ELOVL6: variants seen among roughly 807,000 people sequenced by gnomAD.
ELOVL6 encodes very long chain fatty acid elongase 6.
A neutral mutation model predicts 31.7 loss-of-function variants in ELOVL6; 8 were observed. The ratio of observed to expected loss-of-function variants is 0.25; its 90% CI spans 0.15 to 0.45. The LOEUF is 0.45. Among genes scored for constraint, ELOVL6 ranks in the 20% least tolerant of loss-of-function variants. ELOVL6 has a pLI of 1.00. For synonymous variants in ELOVL6, 101 were observed against 117.7 expected (o/e 0.86, Z 0.92); for missense variants, 126 against 326.4 (o/e 0.39, Z 4.73).
chr4:110,166,488 C>T (rs971836535), intron 1 of ELOVL6, among the ~76,000 whole-genome samples: 9 of 152,072 alleles, frequency 5.9e-5, no homozygotes, highest in Non-Finnish European at 1.3e-4. Context: ...GGTACGCGCC[C>T]TGTAGTCCCA....
At chr4:110,084,550 ACACACAC>A (rs1560815693) in intron 2 of ELOVL6, among the ~76,000 whole-genome samples, 1 of 74,002 alleles carries the variant, frequency 1.4e-5, no homozygotes, top group African/African-American at 7.2e-5. Flanking sequence ...ACACACACAC[ACACACAC>A]ACACAGATAT....
chr4:110,183,014 T>C (rs115305532), intron 1 of ELOVL6, among the ~76,000 whole-genome samples: 2,406 of 152,138 alleles, frequency 0.016, 64 homozygotes, highest in African/African-American at 0.055. Flanking sequence ...AGTCACACCA[T>C]ACAAATCATA....
chr4:110,069,698 A>G (rs1755412389), intron 2 of ELOVL6, among the ~76,000 whole-genome samples: 1 of 152,190 alleles, frequency 6.6e-6, no homozygotes, highest in Non-Finnish European at 1.5e-5. Flanking sequence ...AGTGCCTTTT[A>G]CCTGATAGCT....
chr4:110,131,327 T>C (rs1757663033), intron 1 of ELOVL6, among the ~76,000 whole-genome samples: 1 of 152,146 alleles, frequency 6.6e-6, no homozygotes, highest in African/African-American at 2.4e-5. Flanking sequence ...CTGTTTATAT[T>C]GATCAAAATT....
At chr4:110,084,600 T>A (rs1488329661) in intron 2 of ELOVL6, among the ~76,000 whole-genome samples, 93 of 79,932 alleles carry the variant, frequency 1.2e-3, no homozygotes, top group African/African-American at 2.7e-3. Context: ...TTTTTTTTTT[T>A]TTTTTTTTTT....
intron 2 of ELOVL6, among the ~76,000 whole-genome samples, chr4:110,084,588 A>ATTTTTTTTTTTTT (rs1168880044): frequency 1.7e-4 from 5 of 29,656 alleles, no homozygotes; most frequent in African/African-American, 1.1e-3. Context: ...ATATATATAT[A>ATTTTTTTTTTTTT]TTTTTTTTTT....
intron 1 of ELOVL6, among the ~76,000 whole-genome samples, chr4:110,131,885 T>C (rs768985077): frequency 6.6e-6 from 1 of 150,914 alleles, no homozygotes; most frequent in Non-Finnish European, 1.5e-5. Flanking sequence ...ATGAAGAGGA[T>C]AGGGGAAAAA....
chr4:110,173,939 T>C (rs979037899), intron 1 of ELOVL6, among the ~76,000 whole-genome samples: 2 of 151,080 alleles, frequency 1.3e-5, no homozygotes, highest in Admixed American at 6.6e-5. Flanking sequence ...CCATGACACA[T>C]GTTTACCTAT....
intron 3 of ELOVL6, among the ~76,000 whole-genome samples, chr4:110,054,591 A>C (rs1754926900): frequency 1.3e-5 from 2 of 152,198 alleles, no homozygotes; most frequent in African/African-American, 4.8e-5. Context: ...CATTATAATA[A>C]ATTTGTCAAA....
At chr4:110,174,831 C>A (rs28545371) in intron 1 of ELOVL6, among the ~76,000 whole-genome samples, 18,879 of 152,024 alleles carry the variant, frequency 0.12, 1,269 homozygotes, top group African/African-American at 0.14. Context: ...GCACCTAAAA[C>A]CATCCCAAGA....
chr4:110,171,235 C>A (rs1189005232), intron 1 of ELOVL6, among the ~76,000 whole-genome samples: 1 of 152,026 alleles, frequency 6.6e-6, no homozygotes, highest in Non-Finnish European at 1.5e-5. Flanking sequence ...CATGGTGAAA[C>A]CCCATCTCTA....
In ELOVL6 at chr4:110,050,881, A is replaced by G. The variant is rs1174303162; in HGVS notation, c.*457T>C. 2 of 162,670 alleles carry G rather than the reference A, an allele frequency of 1.2e-5. No individual in the cohort carries two copies. Among genetic ancestry groups the G allele is most frequent in the Non-Finnish European group, 2.7e-5 (2 of 74,250 alleles). 10.1% of individuals were successfully genotyped at this position (162,670 alleles called of 1,614,324 possible). A position where few individuals can be genotyped will look rare whatever the true frequency, so the allele number is the denominator to read the frequency against. On this transcript the variant is annotated 3_prime_UTR_variant, in exon 4 of 4. Coordinates refer to ENST00000302274, the MANE Select transcript of ELOVL6 (RefSeq NM_024090.3). ...TGTCTCTTTCATTTTTGTCTTTTCTATTGGCTCCAGTTTAGTGTCCATAAA... is the reference window on the plus strand; with the variant it reads ...TGTCTCTTTCATTTTTGTCTTTTCTGTTGGCTCCAGTTTAGTGTCCATAAA...
intron 1 of ELOVL6, among the ~76,000 whole-genome samples, chr4:110,106,436 T>G (rs1466725896): frequency 1.3e-5 from 2 of 152,158 alleles, no homozygotes; most frequent in African/African-American, 2.4e-5. Flanking sequence ...AGATTATTCA[T>G]GAGTGCTCCG....
intron 1 of ELOVL6, among the ~76,000 whole-genome samples, chr4:110,113,732 C>T (rs1405683530): frequency 6.6e-6 from 1 of 152,054 alleles, no homozygotes; most frequent in African/African-American, 2.4e-5. Flanking sequence ...GTGAGAATTT[C>T]CAGGTAACGA....
chr4:110,187,104 T>C (rs1361638874), intron 1 of ELOVL6, among the ~76,000 whole-genome samples: 3 of 151,750 alleles, frequency 2.0e-5, no homozygotes, highest in Non-Finnish European at 4.4e-5. Flanking sequence ...CAATTTATGA[T>C]GAAAATTTAA....
intron 1 of ELOVL6, among the ~76,000 whole-genome samples, chr4:110,114,087 G>C (rs908696028): frequency 6.6e-6 from 1 of 151,602 alleles, no homozygotes; most frequent in Admixed American, 6.6e-5. Context: ...TCCATCCCTT[G>C]AAAACGAAAA....
intron 2 of ELOVL6, among the ~76,000 whole-genome samples, chr4:110,090,462 C>T (rs1466662169): frequency 6.6e-6 from 1 of 152,074 alleles, no homozygotes; most frequent in Non-Finnish European, 1.5e-5. Context: ...TAAAGAAATC[C>T]AGTCATTGAC....
At position 110,116,005 on chromosome 4, in the gene ELOVL6, C is replaced by T. The variant is rs78029416; in HGVS notation, c.90-10377G>A. 4.0e-3 allele frequency among the ~76,000 whole-genome samples: 609 copies of T among 152,288 alleles called. 10 individuals carry two copies. The East Asian group carries it at 0.066, about 16-fold the overall frequency. On this transcript the variant is annotated intron_variant, in intron 1 of 3. Coordinates refer to ENST00000302274, the MANE Select transcript of ELOVL6 (RefSeq NM_024090.3). ...CATGGTCACGTCACCTTATCTGACT[C>T]TGATCCCCCCAACTCCCTGTTAAGA... is the stretch of plus-strand genomic sequence containing the variant.
At chr4:110,126,374 T>C (rs1049501782) in intron 1 of ELOVL6, among the ~76,000 whole-genome samples, 1 of 151,528 alleles carries the variant, frequency 6.6e-6, no homozygotes, top group African/African-American at 2.4e-5. Flanking sequence ...TGGAGCAGAG[T>C]AAAACAAGGG....
Sources: allele counts gnomAD v4.1 joint callset (sites outside exome capture counted in the v4.1 genomes callset), GRCh38; gene constraint gnomAD v4.1.1; transcripts MANE v1.5; gene names NCBI Gene and HGNC (gene_info 2026-07-23, HGNC 2026-07-21).